KCNB2: variants seen among roughly 807,000 people sequenced by gnomAD.
KCNB2 encodes the protein potassium voltage-gated channel subfamily B member 2.
In KCNB2, 15 loss-of-function variants were observed where a neutral mutation model predicts 61.5. The observed-to-expected ratio is 0.24, with a 90% CI of 0.16 to 0.38. The LOEUF (loss-of-function observed/expected upper bound fraction) is 0.38. Among genes scored for constraint, KCNB2 ranks in the 10% least tolerant of loss-of-function variants. The pLI is 1.00. For synonymous variants in KCNB2, 457 were observed against 446.0 expected, an observed-to-expected ratio of 1.02 and a Z score of -0.31; for missense variants, 828 against 1,125.2, an observed-to-expected ratio of 0.74 and a Z score of 3.78.
intron 2 of KCNB2, among the ~76,000 whole-genome samples, chr8:72,900,618 A>G (rs1806072217): frequency 1.3e-5 from 2 of 152,212 alleles, no homozygotes; most frequent in South Asian, 4.1e-4. Flanking sequence ...TCTAATACCC[A>G]GAATCTATGA....
At chr8:72,899,203 TAAA>T (rs1044191655) in intron 2 of KCNB2, among the ~76,000 whole-genome samples, 2 of 152,048 alleles carry the variant, frequency 1.3e-5, no homozygotes, top group Non-Finnish European at 2.9e-5. Flanking sequence ...CCCTTCATGA[TAAA>T]AACCCTCAAC....
chr8:72,572,586 C>A (rs920795019), intron 2 of KCNB2, among the ~76,000 whole-genome samples: 3 of 151,760 alleles, frequency 2.0e-5, no homozygotes, highest in African/African-American at 4.8e-5. Context: ...CTCTCTCTCT[C>A]TCACACAGAC....
chr8:72,568,475 T>C (rs1293751622), intron 2 of KCNB2, among the ~76,000 whole-genome samples, 162 bp downstream of exon 2: 1 of 152,224 alleles, frequency 6.6e-6, no homozygotes, highest in African/African-American at 2.4e-5. Flanking sequence ...TCCAATATAG[T>C]CATTCATCCT....
At chr8:72,591,509 G>A (rs1213411112) in intron 2 of KCNB2, among the ~76,000 whole-genome samples, 1 of 152,112 alleles carries the variant, frequency 6.6e-6, no homozygotes, top group Non-Finnish European at 1.5e-5. Context: ...TTTTATTCTA[G>A]TAATCCTAAT....
chr8:72,767,987 A>T (rs971168566), intron 2 of KCNB2, among the ~76,000 whole-genome samples: 1 of 152,118 alleles, frequency 6.6e-6, no homozygotes, highest in Non-Finnish European at 1.5e-5. Flanking sequence ...ACATCGTTTC[A>T]TGTGTTTATT....
intron 2 of KCNB2, among the ~76,000 whole-genome samples, chr8:72,666,870 A>G (rs1261545481): frequency 6.9e-6 from 1 of 145,052 alleles, no homozygotes; most frequent in Non-Finnish European, 1.5e-5. Flanking sequence ...TTCAATTCTT[A>G]TCTGTTTTTG....
chr8:72,645,211 C>T (rs1393675822), intron 2 of KCNB2, among the ~76,000 whole-genome samples: 1 of 152,074 alleles, frequency 6.6e-6, no homozygotes, highest in Admixed American at 6.6e-5. Context: ...AACCTAAGAA[C>T]CCTGTACCAT....
At chr8:72,849,638 T>C (rs1338549663) in intron 2 of KCNB2, among the ~76,000 whole-genome samples, 1 of 152,204 alleles carries the variant, frequency 6.6e-6, no homozygotes, top group African/African-American at 2.4e-5. Context: ...TTCCCTCCTT[T>C]GAAAATTTAT....
chr8:72,802,835 C>A (rs1479205388), intron 2 of KCNB2, among the ~76,000 whole-genome samples: 2 of 152,130 alleles, frequency 1.3e-5, no homozygotes, highest in East Asian at 3.9e-4. Context: ...CAATAATGAC[C>A]TAATTAGTAG....
intron 2 of KCNB2, among the ~76,000 whole-genome samples, chr8:72,658,185 CAAGTTGGTAATGCA>C (rs1806321463): frequency 6.6e-6 from 1 of 152,000 alleles, no homozygotes; most frequent in Non-Finnish European, 1.5e-5. Flanking sequence ...CACAGTCAGC[CAAGTTGGTAATGCA>C]AAGAAAAAGT....
intron 2 of KCNB2, among the ~76,000 whole-genome samples, chr8:72,682,014 C>T (rs563856451): frequency 2.6e-5 from 4 of 152,234 alleles, no homozygotes; most frequent in East Asian, 1.9e-4. Context: ...CTCAATTAAA[C>T]GACATTTGAC....
chr8:72,682,495 A>G (rs182314632), intron 2 of KCNB2, among the ~76,000 whole-genome samples: 1 of 151,518 alleles, frequency 6.6e-6, no homozygotes, highest in East Asian at 1.9e-4. Flanking sequence ...AAAAAATCCC[A>G]TATTTGATTG....
intron 2 of KCNB2, among the ~76,000 whole-genome samples, chr8:72,636,571 T>C (rs1805970010): frequency 6.6e-6 from 1 of 152,198 alleles, no homozygotes; most frequent in South Asian, 2.1e-4. Context: ...GATAGTATTA[T>C]GATCCCTGTT....
chr8:72,711,766 G>GAT (rs10686621), intron 2 of KCNB2, among the ~76,000 whole-genome samples: 109,403 of 151,360 alleles, frequency 0.72, 40,774 homozygotes, highest in African/African-American at 0.9. Flanking sequence ...AAGGTGGGCG[G>GAT]CATTTGAGGT....
intron 2 of KCNB2, among the ~76,000 whole-genome samples, chr8:72,828,988 G>T (rs1003043126): frequency 6.6e-6 from 1 of 152,194 alleles, no homozygotes; most frequent in Non-Finnish European, 1.5e-5. Flanking sequence ...AGGCTTCTCT[G>T]TTGGGCCCTA....
chr8:72,601,070 A>G (rs1049337426), intron 2 of KCNB2, among the ~76,000 whole-genome samples: 7 of 151,912 alleles, frequency 4.6e-5, no homozygotes, highest in Middle Eastern at 6.8e-3. Flanking sequence ...TTAAGACTGT[A>G]TTGCTACCTG....
chr8:72,760,046 A>G (rs554072205), intron 2 of KCNB2, among the ~76,000 whole-genome samples: 2 of 152,202 alleles, frequency 1.3e-5, no homozygotes, highest in Non-Finnish European at 2.9e-5. Flanking sequence ...ACCGAGATGC[A>G]TGCTTTTACT....
At chr8:72,719,996 A>T (rs942463019) in intron 2 of KCNB2, among the ~76,000 whole-genome samples, 33 of 152,204 alleles carry the variant, frequency 2.2e-4, no homozygotes, top group African/African-American at 8.0e-4. Flanking sequence ...GTGCTCCTTG[A>T]TGTCTATGAA....
At chr8:72,841,310 G>C (rs1809879219) in intron 2 of KCNB2, among the ~76,000 whole-genome samples, 1 of 42,208 alleles carries the variant, frequency 2.4e-5, no homozygotes, top group Non-Finnish European at 8.9e-5. Context: ...CTATAGCCCT[G>C]TAGTATAGTT....
Sources: allele counts gnomAD v4.1 joint callset (sites outside exome capture counted in the v4.1 genomes callset), GRCh38; gene constraint gnomAD v4.1.1; transcripts MANE v1.5; gene names NCBI Gene and HGNC (gene_info 2026-07-23, HGNC 2026-07-21).